The following OSBPL11 variants were observed in gnomAD, a reference collection of about 807,000 sequenced individuals.
OSBPL11 encodes oxysterol binding protein like 11.
OSBPL11 carries 33 observed loss-of-function variants against 84.4 expected under a neutral mutation model. The ratio of observed to expected loss-of-function variants is 0.39; its 90% CI spans 0.30 to 0.52. The LOEUF (loss-of-function observed/expected upper bound fraction) is 0.52. OSBPL11 is among the 20% of genes least tolerant of loss of function. The pLI, the probability that OSBPL11 is intolerant of heterozygous loss-of-function variation, is 0.72. For missense variants in OSBPL11, 736 were observed against 901.1 expected, an observed-to-expected ratio of 0.82 and a Z score of 2.35; for synonymous variants, 276 against 310.2, an observed-to-expected ratio of 0.89 and a Z score of 1.16.
chr3:125,541,569 G>A (rs537908183), intron 10 of OSBPL11, among the ~76,000 whole-genome samples: 29 of 152,134 alleles, frequency 1.9e-4, no homozygotes, highest in African/African-American at 6.5e-4. Context: ...AAGGTGCCCC[G>A]AATCTCTTTC....
intron 11 of OSBPL11, among the ~76,000 whole-genome samples, chr3:125,534,744 C>T (rs1559833452): frequency 6.6e-6 from 1 of 151,548 alleles, no homozygotes; most frequent in Non-Finnish European, 1.5e-5. Context: ...CAAACTATGG[C>T]CCACAGCCCA....
chr3:125,559,274 G>A (rs181785162), intron 8 of OSBPL11, among the ~76,000 whole-genome samples: 151 of 152,286 alleles, frequency 9.9e-4, no homozygotes, highest in African/African-American at 3.4e-3. Flanking sequence ...GTAGGATTAC[G>A]TAATTTTCTC....
chr3:125,563,890 G>C, intron 6 of OSBPL11, 47 bp from the exon 7 acceptor site: 1 of 1,603,194 alleles, frequency 6.2e-7, no homozygotes, highest in South Asian at 1.1e-5. Context: ...TCATAATCTA[G>C]AAAGTTCGGC....
chr3:125,594,275 G>GT (rs1936646580), intron 1 of OSBPL11, among the ~76,000 whole-genome samples: 1 of 152,222 alleles, frequency 6.6e-6, no homozygotes, highest in South Asian at 2.1e-4. Flanking sequence ...AGAAAGCTGA[G>GT]TTAAACAGTT....
chr3:125,577,816 G>A (rs1018443207), intron 4 of OSBPL11, among the ~76,000 whole-genome samples: 5 of 151,320 alleles, frequency 3.3e-5, no homozygotes, highest in Non-Finnish European at 4.4e-5. Flanking sequence ...GTAACAGAGT[G>A]AGACTCCATC....
intron 5 of OSBPL11, among the ~76,000 whole-genome samples, chr3:125,572,337 T>G (rs1337137863): frequency 6.6e-6 from 1 of 152,220 alleles, no homozygotes; most frequent in Admixed American, 6.5e-5. Context: ...CTTTGGACTG[T>G]GGACTTCTGA....
At chr3:125,532,719 C>A (rs978701421) in intron 11 of OSBPL11, among the ~76,000 whole-genome samples, 3 of 151,698 alleles carry the variant, frequency 2.0e-5, no homozygotes, top group Admixed American at 2.0e-4. Flanking sequence ...ATAAACCCAG[C>A]AATTCCACTC....
chr3:125,572,914 T>A (rs12490297), intron 5 of OSBPL11, among the ~76,000 whole-genome samples: 9,825 of 142,804 alleles, frequency 0.069, 459 homozygotes, highest in Non-Finnish European at 0.099. Context: ...ATAAAGTGTG[T>A]GTATATATAT....
intron 1 of OSBPL11, among the ~76,000 whole-genome samples, chr3:125,587,344 T>G (rs1057409143): frequency 1.8e-4 from 27 of 152,206 alleles, no homozygotes; most frequent in African/African-American, 6.3e-4. Context: ...TTGTTCCAAC[T>G]TAAGATGTTA....
chr3:125,572,915 G>A (rs1346845787), intron 5 of OSBPL11, among the ~76,000 whole-genome samples: 2 of 137,734 alleles, frequency 1.5e-5, no homozygotes, highest in African/African-American at 2.7e-5. Context: ...TAAAGTGTGT[G>A]TATATATATA....
At chr3:125,581,949 G>A (rs1167756959) in intron 2 of OSBPL11, among the ~76,000 whole-genome samples, 1 of 151,840 alleles carries the variant, frequency 6.6e-6, no homozygotes, top group Non-Finnish European at 1.5e-5. Context: ...ACTCCAGCCT[G>A]GGCAACAGAG....
At chr3:125,535,265 C>T (rs1422755593) in intron 11 of OSBPL11, among the ~76,000 whole-genome samples, 2 of 151,868 alleles carry the variant, frequency 1.3e-5, no homozygotes, top group African/African-American at 4.8e-5. Flanking sequence ...CCTTGAAAGA[C>T]AAACTACCAA....
rs540611778 is a variant in OSBPL11 at position 125,536,008 on chromosome 3, A to G, written c.2024+2443T>C. On this transcript the variant is annotated intron_variant, in intron 11 of 12. Coordinates refer to ENST00000296220, the MANE Select transcript of OSBPL11 (RefSeq NM_022776.5). ...AAATCAGTTGGGTGTGGTGGTGTGC[A>G]CCTGTAATCCCAGCTACTTGGGAGG... Among the ~76,000 whole-genome samples the G allele has an allele frequency of 7.9e-5, 12 of 151,562 alleles. No individual in the cohort carries two copies. The South Asian group carries it at 2.5e-3, about 32-fold the overall frequency.
At chr3:125,538,245 T>C (rs936176299) in intron 11 of OSBPL11, among the ~76,000 whole-genome samples, 1 of 152,222 alleles carries the variant, frequency 6.6e-6, no homozygotes, top group Non-Finnish European at 1.5e-5. Context: ...CCATTTACAA[T>C]GTTTGGTTTT....
intron 7 of OSBPL11, among the ~76,000 whole-genome samples, chr3:125,563,067 G>A (rs952699417): frequency 2.0e-5 from 3 of 151,620 alleles, no homozygotes; most frequent in African/African-American, 7.3e-5. Context: ...ATACAGACCA[G>A]TACAACATAG....
At chr3:125,572,622 C>T (rs528122108) in intron 5 of OSBPL11, among the ~76,000 whole-genome samples, 7 of 151,928 alleles carry the variant, frequency 4.6e-5, no homozygotes, top group Non-Finnish European at 1.0e-4. Flanking sequence ...TTCCCCTGCA[C>T]AAGTTTTCTC....
intron 4 of OSBPL11, 85 bp from the exon 5 acceptor site, chr3:125,576,450 ACACATGAG>A: frequency 9.8e-7 from 1 of 1,024,632 alleles, no homozygotes; most frequent in Non-Finnish European, 1.4e-6. Flanking sequence ...CTTAAGATTT[ACACATGAG>A]CAGCGTTTAA....
intron 6 of OSBPL11, among the ~76,000 whole-genome samples, chr3:125,564,908 G>A (rs558643802): frequency 1.6e-4 from 24 of 152,284 alleles, no homozygotes; most frequent in Non-Finnish European, 2.8e-4. Flanking sequence ...GCCTGACTCC[G>A]CATCCCAAAG....
chr3:125,549,670 A>G (rs1181240803), intron 9 of OSBPL11, among the ~76,000 whole-genome samples: 2 of 151,918 alleles, frequency 1.3e-5, no homozygotes, highest in East Asian at 3.9e-4. Flanking sequence ...AAATTTTTGT[A>G]GAGATAGGGT....
Sources: allele counts gnomAD v4.1 joint callset (sites outside exome capture counted in the v4.1 genomes callset), GRCh38; gene constraint gnomAD v4.1.1; transcripts MANE v1.5; gene names NCBI Gene and HGNC (gene_info 2026-07-23, HGNC 2026-07-21).